FANCI: variants seen among roughly 807,000 people sequenced by gnomAD.
FANCI encodes FA complementation group I, also known as Fanconi anemia group I protein.
In FANCI, 156 loss-of-function variants were observed where a neutral mutation model predicts 176.1. The observed-to-expected ratio is 0.89, with a 90% CI of 0.78 to 1.01. The LOEUF is 1.01. Among genes scored for constraint, FANCI ranks in the 50% least tolerant of loss-of-function variants. FANCI has a pLI of 0.00. For missense variants in FANCI, 1,678 were observed against 1,534.1 expected, an observed-to-expected ratio of 1.09 and a Z score of -1.57; for synonymous variants, 613 against 541.7, an observed-to-expected ratio of 1.13 and a Z score of -1.83.
chr15:89,312,123 C>G (rs962580057), intron 34 of FANCI, among the ~76,000 whole-genome samples: 1 of 152,136 alleles, frequency 6.6e-6, no homozygotes. Context: ...TGCTGAGTAA[C>G]GAAAATAAAA....
At chr15:89,265,009 T>C (rs1180783135) in intron 9 of FANCI, among the ~76,000 whole-genome samples, 1 of 152,186 alleles carries the variant, frequency 6.6e-6, no homozygotes, top group African/African-American at 2.4e-5. Flanking sequence ...GTAATTCAAA[T>C]GGATGATCTA....
rs2055028244 is a variant in FANCI at position 89,312,937 on chromosome 15, A to G, written c.3685A>G (p.Lys1229Glu). The change falls in exon 35 of 38, where the codon AAA becomes GAA. Residue 1229 changes from lysine (K) to glutamate (E), a missense_variant. Around this residue, in one of 3 missense-constraint regions of FANCI, gnomAD observed 1,204 missense variants for 1,077.4 expected, o/e 1.12. Transcript: ENST00000310775. ...KSKSLNYTGE[K>E]KEKPAAVATA... ...TAAGAGCCTGAACTATACGGGAGAGAAAAAGGAGAAACCTGCTGCCGTTGC... is the reference window on the plus strand; with the variant it reads ...TAAGAGCCTGAACTATACGGGAGAGGAAAAGGAGAAACCTGCTGCCGTTGC... The G allele has an allele frequency of 6.2e-7, 1 of 1,613,682 alleles. No homozygotes were observed. The highest frequency in any genetic ancestry group is 1.1e-5 in the South Asian group (1 of 91,050).
chr15:89,300,213 T>C, intron 25 of FANCI, 87 bp from the exon 26 acceptor site: 1 of 1,328,104 alleles, frequency 7.5e-7, no homozygotes, highest in Middle Eastern at 1.8e-4. Flanking sequence ...TTAGACTTTT[T>C]TTTGGCTTTC....
intron 3 of FANCI, 146 bp downstream of exon 3, chr15:89,258,922 T>C: frequency 1.5e-6 from 1 of 688,122 alleles, no homozygotes; most frequent in Non-Finnish European, 2.6e-6. Flanking sequence ...AGCAGCAGTT[T>C]CCTGTCTAGT....
intron 9 of FANCI, 104 bp downstream of exon 9, chr15:89,264,711 T>C: frequency 2.0e-6 from 2 of 1,002,584 alleles, no homozygotes; most frequent in Non-Finnish European, 3.0e-6. Context: ...TACCTTCACC[T>C]CAGCACAAAA....
intron 6 of FANCI, 28 bp downstream of exon 6, chr15:89,261,906 C>T (rs1351481774): frequency 1.9e-6 from 3 of 1,605,880 alleles, no homozygotes; most frequent in Non-Finnish European, 8.5e-7. Context: ...GTATAACTTT[C>T]TTAGGAATAC....
chr15:89,306,874 G>T (rs1364726828), intron 32 of FANCI, among the ~76,000 whole-genome samples: 1 of 152,086 alleles, frequency 6.6e-6, no homozygotes, highest in East Asian at 1.9e-4. Flanking sequence ...TTTCTAACCA[G>T]TCTGGACACT....
chr15:89,245,496 C>G (rs2051924752), intron 1 of FANCI, among the ~76,000 whole-genome samples: 1 of 151,752 alleles, frequency 6.6e-6, no homozygotes, highest in Admixed American at 6.6e-5. Context: ...TGCGCCTGGC[C>G]TAGACTGAGC....
Position 89,273,510 on chromosome 15 carries a change from GTAAAAAAA to G in FANCI, c.975+42_975+49del, listed in dbSNP as rs767961759. On this transcript the variant is annotated intron_variant, in intron 11 of 37. Transcript: ENST00000310775. ...GCCATTTTGTTTCTTTCTGTAGTTGGTAAAAAAAAAAAAAAAAAAAAAAAATCACAGTA... is the reference window on the plus strand; with the variant it reads ...GCCATTTTGTTTCTTTCTGTAGTTGGAAAAAAAAAAAAAAAAATCACAGTA... 21 of 660,548 alleles carry G rather than the reference GTAAAAAAA, an allele frequency of 3.2e-5. No individual in the cohort carries two copies. The African/African-American group carries it at 4.9e-4, about 16-fold the overall frequency. 40.9% of individuals were successfully genotyped at this position (660,548 alleles called of 1,614,324 possible).
intron 3 of FANCI, among the ~76,000 whole-genome samples, chr15:89,259,992 T>C (rs2052647771): frequency 6.6e-6 from 1 of 152,068 alleles, no homozygotes; most frequent in Non-Finnish European, 1.5e-5. Flanking sequence ...CTTGGATATA[T>C]ATCTAGGAGT....
chr15:89,305,327 C>G lies in FANCI; in HGVS notation c.3187-14C>G. The G allele has an allele frequency of 6.2e-7, 1 of 1,614,198 alleles. No individual in the cohort carries two copies. The highest frequency in any genetic ancestry group is 1.1e-5 in the South Asian group (1 of 91,070). On this transcript the variant is annotated splice_polypyrimidine_tract_variant and intron_variant, in intron 29 of 37. Coordinates refer to ENST00000310775, the MANE Select transcript of FANCI (RefSeq NM_001113378.2). Reference sequence around the variant, plus strand: ...CTTACTGTCATTAGGTCTCACCTCTCTTCTTTTCCCCAGGATGTAGAGGTG... The same window carrying G: ...CTTACTGTCATTAGGTCTCACCTCTGTTCTTTTCCCCAGGATGTAGAGGTG...
chr15:89,300,787 A>G (rs1267242955), intron 26 of FANCI, among the ~76,000 whole-genome samples: 2 of 152,238 alleles, frequency 1.3e-5, no homozygotes, highest in Non-Finnish European at 2.9e-5. Context: ...AGGATGTTCT[A>G]TCACAGGAGT....
intron 14 of FANCI, 123 bp downstream of exon 14, chr15:89,278,897 C>A: frequency 2.8e-6 from 2 of 720,258 alleles, no homozygotes; most frequent in South Asian, 1.6e-5. Context: ...GATAGGATGC[C>A]AATAAAGGAA....
intron 2 of FANCI, among the ~76,000 whole-genome samples, chr15:89,257,372 C>A (rs1308099053): frequency 6.6e-6 from 1 of 152,140 alleles, no homozygotes. Context: ...GCTTAAATAG[C>A]AGCAATGTAA....
chr15:89,252,645 C>T (rs934798660), intron 2 of FANCI, among the ~76,000 whole-genome samples: 1 of 152,136 alleles, frequency 6.6e-6, no homozygotes, highest in Non-Finnish European at 1.5e-5. Flanking sequence ...GAGGCTGAGG[C>T]AGGAGAATTG....
chr15:89,270,597 G>A (rs1267312699), intron 10 of FANCI, among the ~76,000 whole-genome samples: 2 of 149,894 alleles, frequency 1.3e-5, no homozygotes, highest in African/African-American at 4.9e-5. Context: ...TCTTTCTTTC[G>A]GCATTATTAG....
intron 2 of FANCI, among the ~76,000 whole-genome samples, chr15:89,255,104 T>C (rs762755958): frequency 2.0e-5 from 3 of 152,154 alleles, no homozygotes; most frequent in African/African-American, 4.8e-5. Flanking sequence ...TCCCCCTGAT[T>C]TCCTACACTC....
chr15:89,307,642 CCT>C lies in FANCI; in HGVS notation c.3622_3623del (p.Leu1208ValfsTer11), dbSNP rs1491132258. ...AGCTGTCTGGTTCTCATCTGACCCC[CCT>C]GTGTTATTCTTTCATTTCTTACGTA... ...VKLSGSHLTP[L>X]CYSFISYVQN... is the part of the protein sequence containing the mutation. On this transcript the variant is annotated frameshift_variant, in exon 34 of 38. Transcript: ENST00000310775. LOFTEE classifies it high-confidence loss of function. 31 of 1,614,024 alleles carry C rather than the reference CCT, an allele frequency of 1.9e-5. No individual in the cohort carries two copies. The highest frequency in any genetic ancestry group is 8.3e-5 in the Admixed American group (5 of 59,998).
chr15:89,313,552 G>A (rs935151555), intron 35 of FANCI, among the ~76,000 whole-genome samples: 1 of 152,230 alleles, frequency 6.6e-6, no homozygotes, highest in Non-Finnish European at 1.5e-5. Flanking sequence ...AGATGTGTAA[G>A]AGTCAGCGGG....
Sources: gnomAD v4.1 joint callset for allele counts (sites outside exome capture counted in the v4.1 genomes callset) on GRCh38, gnomAD v4.1.1 for gene constraint, gnomAD v4.1.1 regional missense constraint, MANE v1.5 for transcripts, NCBI Gene and HGNC (gene_info 2026-07-23, HGNC 2026-07-21) for gene names.